The following TBC1D14 variants were observed in gnomAD, a reference collection of about 807,000 sequenced individuals.
TBC1D14 encodes the protein TBC1 domain family member 14, also known as TBC1 domain family, member 14.
TBC1D14 carries 26 observed loss-of-function variants against 79.0 expected under a neutral mutation model. That is an observed-to-expected ratio of 0.33 (90% CI 0.24 to 0.46). The LOEUF is 0.46. TBC1D14 is among the 20% of genes least tolerant of loss of function. TBC1D14 has a pLI of 1.00. For missense variants in TBC1D14, 769 were observed against 887.6 expected (o/e 0.87, Z 1.70); for synonymous variants, 394 against 349.9 (o/e 1.13, Z -1.40).
chr4:7,023,632 G>T (rs1722045327), intron 12 of TBC1D14, among the ~76,000 whole-genome samples: 2 of 152,220 alleles, frequency 1.3e-5, no homozygotes, highest in African/African-American at 2.4e-5. Flanking sequence ...GCCTCATGGT[G>T]TGTGCTGAGG....
At chr4:6,987,397 C>G in intron 3 of TBC1D14, 1 of 1,380,622 alleles carries the variant, frequency 7.2e-7, no homozygotes, top group Non-Finnish European at 9.4e-7. Flanking sequence ...CCAGGCCTGC[C>G]CGGTCCCGTG....
intron 2 of TBC1D14, among the ~76,000 whole-genome samples, chr4:6,925,302 G>T (rs563314480): frequency 6.6e-6 from 1 of 152,276 alleles, no homozygotes; most frequent in South Asian, 2.1e-4. Flanking sequence ...ATCGTGATCT[G>T]CTCCATAGCT....
chr4:6,988,259 A>G (rs748659578), intron 3 of TBC1D14, among the ~76,000 whole-genome samples: 1 of 152,192 alleles, frequency 6.6e-6, no homozygotes, highest in Non-Finnish European at 1.5e-5. Flanking sequence ...TCCACAAGCA[A>G]CCCTCTTAGA....
chr4:6,996,496 G>T, intron 5 of TBC1D14, 89 bp downstream of exon 5: 1 of 960,704 alleles, frequency 1.0e-6, no homozygotes, highest in Non-Finnish European at 1.6e-6. Flanking sequence ...TGGAGTCATA[G>T]AACCTGAACT....
chr4:7,017,831 T>G (rs1351164119), intron 12 of TBC1D14, among the ~76,000 whole-genome samples: 1 of 152,218 alleles, frequency 6.6e-6, no homozygotes, highest in Non-Finnish European at 1.5e-5. Flanking sequence ...AGCCATGTAT[T>G]CATGACTTAT....
At chr4:6,920,420 A>G (rs1449328855) in intron 1 of TBC1D14, among the ~76,000 whole-genome samples, 1 of 152,062 alleles carries the variant, frequency 6.6e-6, no homozygotes, top group Non-Finnish European at 1.5e-5. Context: ...GACTACAGGC[A>G]TGAGCCACTG....
rs1720538872 is a variant in TBC1D14, at chr4:7,009,556, G to C, written c.1447-321G>C. ...GCTTTGAAGAGCCCCCGCATACCTG[G>C]CTCTCCTGGTGGGCTTTGAAAGGGA... On this transcript the variant is annotated intron_variant, in intron 9 of 13. Coordinates refer to ENST00000409757, the MANE Select transcript of TBC1D14 (RefSeq NM_020773.3). Among the ~76,000 whole-genome samples the C allele has an allele frequency of 2.6e-5, 4 of 152,316 alleles. No individual in the cohort carries two copies. In the South Asian group the frequency reaches 8.3e-4, roughly 32 times the overall value.
chr4:7,008,495 C>T (rs1019558927), intron 9 of TBC1D14, among the ~76,000 whole-genome samples: 3 of 152,354 alleles, frequency 2.0e-5, no homozygotes, highest in Middle Eastern at 3.4e-3. Flanking sequence ...TCACCGCAGC[C>T]TCCGCCTCCC....
chr4:6,915,410 G>A (rs1365172271), intron 1 of TBC1D14, among the ~76,000 whole-genome samples: 1 of 152,182 alleles, frequency 6.6e-6, no homozygotes, highest in African/African-American at 2.4e-5. Flanking sequence ...ATCTGGAAAC[G>A]GTAGAACTCA....
intron 9 of TBC1D14, among the ~76,000 whole-genome samples, 163 bp from the exon 10 acceptor site, chr4:7,009,714 G>A (rs774708558): frequency 6.6e-6 from 1 of 152,190 alleles, no homozygotes; most frequent in Non-Finnish European, 1.5e-5. Flanking sequence ...TGGGTAATTT[G>A]TTAAATTCCA....
At chr4:6,996,710 C>T (rs1358093679) in intron 5 of TBC1D14, among the ~76,000 whole-genome samples, 1 of 152,182 alleles carries the variant, frequency 6.6e-6, no homozygotes, top group African/African-American at 2.4e-5. Context: ...TCCCAGAAGC[C>T]CCCAGGGCTG....
chr4:6,962,175 G>A (rs1446014767), intron 2 of TBC1D14, among the ~76,000 whole-genome samples: 2 of 152,212 alleles, frequency 1.3e-5, no homozygotes, highest in East Asian at 3.9e-4. Flanking sequence ...GGTAGGAGGT[G>A]AGATATGCCA....
At chr4:6,988,566 C>T (rs1164230758) in intron 3 of TBC1D14, among the ~76,000 whole-genome samples, 1 of 152,246 alleles carries the variant, frequency 6.6e-6, no homozygotes, top group Non-Finnish European at 1.5e-5. Context: ...AGGTACCACT[C>T]GGATGGCCAG....
intron 12 of TBC1D14, among the ~76,000 whole-genome samples, chr4:7,024,357 A>G (rs1722122493): frequency 6.6e-6 from 1 of 152,158 alleles, no homozygotes; most frequent in African/African-American, 2.4e-5. Context: ...AGGGGTGGAG[A>G]TGTCCCCACC....
intron 2 of TBC1D14, among the ~76,000 whole-genome samples, chr4:6,929,278 C>A (rs956992791): frequency 6.6e-6 from 1 of 152,142 alleles, no homozygotes; most frequent in South Asian, 2.1e-4. Context: ...AGAGTTGCGG[C>A]GATGAAAGGA....
intron 12 of TBC1D14, among the ~76,000 whole-genome samples, chr4:7,020,521 G>A (rs566446249): frequency 6.6e-6 from 1 of 152,288 alleles, no homozygotes; most frequent in African/African-American, 2.4e-5. Context: ...CTCCTTAGCA[G>A]CTGGTCAGGT....
chr4:6,943,453 T>C (rs1007913317), intron 2 of TBC1D14, among the ~76,000 whole-genome samples: 2 of 152,194 alleles, frequency 1.3e-5, no homozygotes, highest in Admixed American at 6.5e-5. Context: ...TCCAGACCAG[T>C]TGGTGTGGCC....
At chr4:6,977,611 C>A (rs1287535157) in intron 3 of TBC1D14, among the ~76,000 whole-genome samples, 1 of 149,640 alleles carries the variant, frequency 6.7e-6, no homozygotes, top group Admixed American at 6.6e-5. Flanking sequence ...GCCTCTCTGC[C>A]TGGCTACCCA....
At chr4:6,995,816 CATTT>C (rs1191431735) in intron 4 of TBC1D14, 2 of 128,790 alleles carry the variant, frequency 1.6e-5, no homozygotes, top group Admixed American at 8.1e-5. Context: ...CCAGCCCATT[CATTT>C]GTTTTTATTT....
Sources: allele counts gnomAD v4.1 joint callset (sites outside exome capture counted in the v4.1 genomes callset), GRCh38; gene constraint gnomAD v4.1.1; transcripts MANE v1.5; gene names NCBI Gene and HGNC (gene_info 2026-07-23, HGNC 2026-07-21).